Variants in CSPP1 observed in about 807,000 individuals in gnomAD.
CSPP1 encodes the protein centrosome and spindle pole associated protein 1.
Under a neutral mutation model 164.4 loss-of-function variants are expected in CSPP1, and 126 were observed. That is an observed-to-expected ratio of 0.77 (90% CI 0.66 to 0.89). The LOEUF (loss-of-function observed/expected upper bound fraction) is 0.89. CSPP1 is among the 40% of genes least tolerant of loss of function. CSPP1 has a pLI of 0.00. For missense variants in CSPP1, 1,395 were observed against 1,449.8 expected, an observed-to-expected ratio of 0.96 and a Z score of 0.61; for synonymous variants, 472 against 476.7, an observed-to-expected ratio of 0.99 and a Z score of 0.13.
chr8:67,159,892 CTTTCTTTCTTTCTTTCTTTCTTTCTTT>C, intron 21 of CSPP1, among the ~76,000 whole-genome samples: 2 of 66,298 alleles, frequency 3.0e-5, no homozygotes, highest in Admixed American at 1.7e-4. Flanking sequence ...TTCTTTCTTT[CTTTCTTTCTTTCTTTCTTTCTTTCTTT>C]CTTTCCTTTC....
intron 22 of CSPP1, among the ~76,000 whole-genome samples, chr8:67,162,148 T>C (rs1358810326): frequency 2.6e-5 from 4 of 152,212 alleles, no homozygotes; most frequent in Non-Finnish European, 5.9e-5. Flanking sequence ...TAGCTGTAGA[T>C]ATGCTCATTG....
intron 1 of CSPP1, among the ~76,000 whole-genome samples, chr8:67,071,599 C>T (rs908227786): frequency 1.3e-5 from 2 of 152,172 alleles, no homozygotes; most frequent in African/African-American, 4.8e-5. Flanking sequence ...TTACTAGCTC[C>T]AACTTAACAT....
Position 67,164,516 on chromosome 8 carries a change from T to G in CSPP1, c.2828+8T>G. 4 of 1,338,566 alleles carry G rather than the reference T, an allele frequency of 3.0e-6. No individual in the cohort carries two copies. Among genetic ancestry groups the G allele is most frequent in the East Asian group, 2.3e-5 (1 of 43,650 alleles). 82.9% of individuals were successfully genotyped at this position (1,338,566 alleles called of 1,614,324 possible). On this transcript the variant is annotated splice_region_variant and intron_variant, in intron 24 of 30. Transcript: ENST00000678616. ...TGATGAAATTCCTATCAGGCAAGTTTAGAATTGCAGTTTTTGTGTTCGCTT... is the reference window on the plus strand; with the variant it reads ...TGATGAAATTCCTATCAGGCAAGTTGAGAATTGCAGTTTTTGTGTTCGCTT...
At position 67,161,852 on chromosome 8, in the gene CSPP1, C is replaced by G; in HGVS notation, c.2580C>G (p.Asn860Lys). ...QPSPIVPALQ[N>K]KIASKLQRPP... ...CTCCTATAGTTCCTGCTCTTCAGAA[C>G]AAAATTGCAAGCAAACTCCAAAGAC... The change falls in exon 22 of 31, where the codon AAC becomes AAG. Residue 860 changes from asparagine (N) to lysine (K), a missense_variant. Physicochemically the swap from Asn to Lys is moderately conservative, Grantham distance 94. Coordinates refer to ENST00000678616, the MANE Select transcript of CSPP1 (RefSeq NM_001382391.1). 1.9e-6 allele frequency: 3 copies of G among 1,613,726 alleles called. No individual in the cohort carries two copies. The highest frequency in any genetic ancestry group is 2.5e-6 in the Non-Finnish European group (3 of 1,179,868).
At position 67,137,479 on chromosome 8, in the gene CSPP1, GAAGA is replaced by G. The variant is rs1563653231; in HGVS notation, c.1857_1860del (p.Lys619AsnfsTer12). On this transcript the variant is annotated frameshift_variant, in exon 17 of 31. Coordinates refer to ENST00000678616, the MANE Select transcript of CSPP1 (RefSeq NM_001382391.1). LOFTEE classifies it high-confidence loss of function. ...AGATTCGGGAAAGAGAAGAAAGAAG[GAAGA>G]AAGAACGTGAAGAAAAAGAAGAATA... 6.5e-7 allele frequency: 1 copy of G among 1,536,672 alleles called. No individual in the cohort carries two copies. The highest frequency in any genetic ancestry group is 1.9e-5 in the Admixed American group (1 of 53,850).
rs547405222 is a variant in CSPP1, at chr8:67,155,863, G to A, written c.2241+1727G>A. Reference sequence around the variant, plus strand: ...GAAGCAGGGATATTTTACTAGTGTGGGTGACAGTGGAAATGGGTGGAAAGT... The same window carrying A: ...GAAGCAGGGATATTTTACTAGTGTGAGTGACAGTGGAAATGGGTGGAAAGT... On this transcript the variant is annotated intron_variant, in intron 19 of 30. Coordinates refer to ENST00000678616, the MANE Select transcript of CSPP1 (RefSeq NM_001382391.1). 2.5e-4 allele frequency among the ~76,000 whole-genome samples: 38 copies of A among 152,222 alleles called. No individual in the cohort carries two copies. The South Asian group carries it at 7.9e-3, about 32-fold the overall frequency.
intron 24 of CSPP1, among the ~76,000 whole-genome samples, chr8:67,166,912 G>A (rs1431834578): frequency 6.6e-6 from 1 of 152,054 alleles, no homozygotes; most frequent in Admixed American, 6.6e-5. Context: ...TGAGATTAGG[G>A]AGTGGTGATG....
intron 15 of CSPP1, among the ~76,000 whole-genome samples, chr8:67,128,619 C>T (rs562357743): frequency 9.9e-5 from 15 of 151,824 alleles, no homozygotes; most frequent in East Asian, 3.9e-4. Flanking sequence ...GAATACTCTC[C>T]GGTTACTATT....
At chr8:67,108,642 C>G (rs1179873490) in intron 9 of CSPP1, among the ~76,000 whole-genome samples, 1 of 152,162 alleles carries the variant, frequency 6.6e-6, no homozygotes, top group Non-Finnish European at 1.5e-5. Flanking sequence ...TCCACACTTT[C>G]CCCTTCTCCG....
chr8:67,123,525 T>C (rs1819408913), intron 15 of CSPP1, among the ~76,000 whole-genome samples: 1 of 152,166 alleles, frequency 6.6e-6, no homozygotes, highest in African/African-American at 2.4e-5. Flanking sequence ...CTGGTTTTTA[T>C]GTTTGCCATT....
At chr8:67,098,050 C>CAAA (rs200094346) in intron 7 of CSPP1, among the ~76,000 whole-genome samples, 3 of 120,106 alleles carry the variant, frequency 2.5e-5, no homozygotes, top group African/African-American at 2.9e-5. Flanking sequence ...TTATTTCCAG[C>CAAA]AAAAAAAAAA....
intron 19 of CSPP1, chr8:67,157,622 G>A (rs1190398583): frequency 6.6e-6 from 1 of 152,224 alleles, no homozygotes; most frequent in Non-Finnish European, 1.5e-5. Flanking sequence ...AGGAAGTACA[G>A]ACAAGAAAAA....
intron 28 of CSPP1, among the ~76,000 whole-genome samples, chr8:67,188,436 A>C (rs1173814873): frequency 6.6e-6 from 1 of 152,210 alleles, no homozygotes; most frequent in Admixed American, 6.5e-5. Context: ...ATTAGGCTAA[A>C]GCAGGAGGTA....
chr8:67,159,957 C>CTTTCTTTTCTTTTCTTTTCTTTTCT (rs758860786), intron 21 of CSPP1, among the ~76,000 whole-genome samples: 15 of 20,018 alleles, frequency 7.5e-4, no homozygotes, highest in African/African-American at 1.0e-3. Flanking sequence ...TTCCTTCCTT[C>CTTTCTTTTCTTTTCTTTTCTTTTCT]TTTCTTTTCT....
intron 3 of CSPP1, chr8:67,083,548 A>AAAAATATATATATAT (rs1332248754): frequency 1.1e-5 from 1 of 91,484 alleles, no homozygotes; most frequent in African/African-American, 4.4e-5. Context: ...AAAAAAAAAA[A>AAAAATATATATATAT]ATATATATAT....
chr8:67,158,352 C>T (rs1213916395), intron 19 of CSPP1, 95 bp from the exon 20 acceptor site: 44 of 1,304,504 alleles, frequency 3.4e-5, no homozygotes, highest in Non-Finnish European at 4.4e-5. Context: ...AAAGAGGGTA[C>T]AAGTGTTGAG....
intron 7 of CSPP1, among the ~76,000 whole-genome samples, chr8:67,096,565 CAAAA>C (rs531704184): frequency 1.7e-5 from 2 of 117,014 alleles, no homozygotes; most frequent in African/African-American, 6.4e-5. Context: ...ACTCTGTCTC[CAAAA>C]AAAAAAAAAG....
At chr8:67,130,927 G>T (rs1011493237) in intron 15 of CSPP1, among the ~76,000 whole-genome samples, 1 of 152,176 alleles carries the variant, frequency 6.6e-6, no homozygotes, top group African/African-American at 2.4e-5. Flanking sequence ...GGCGGATGTT[G>T]CAGTGAGCGG....
chr8:67,071,462 T>TC (rs1356673054), intron 1 of CSPP1, among the ~76,000 whole-genome samples: 2 of 152,080 alleles, frequency 1.3e-5, no homozygotes, highest in Non-Finnish European at 2.9e-5. Flanking sequence ...TCTCTCTTTT[T>TC]CCCTCCCTGT....
Sources: gnomAD v4.1 joint callset for allele counts (sites outside exome capture counted in the v4.1 genomes callset) on GRCh38, gnomAD v4.1.1 for gene constraint, MANE v1.5 for transcripts, NCBI Gene and HGNC (gene_info 2026-07-23, HGNC 2026-07-21) for gene names.